NLRC5: variants seen among roughly 807,000 people sequenced by gnomAD.
NLRC5 encodes protein NLRC5.
Under a neutral mutation model 206.9 loss-of-function variants are expected in NLRC5, and 114 were observed. The observed-to-expected ratio is 0.55, with a 90% CI of 0.47 to 0.64. NLRC5 has a LOEUF of 0.64. Among genes scored for constraint, NLRC5 ranks in the 30% least tolerant of loss-of-function variants. The probability of loss-of-function intolerance (pLI) is 0.00; values close to 1 mark genes in which losing one functional copy is unlikely to be tolerated. For missense variants in NLRC5, 2,008 were observed against 2,305.5 expected (o/e 0.87, Z 2.64); for synonymous variants, 952 against 962.8 (o/e 0.99, Z 0.21).
intron 37 of NLRC5, among the ~76,000 whole-genome samples, 195 bp from the exon 38 acceptor site, chr16:57,070,340 A>T (rs1404813730): frequency 4.6e-5 from 7 of 152,124 alleles, no homozygotes; most frequent in African/African-American, 1.4e-4. Flanking sequence ...AGCTGTGACT[A>T]TCATGCCTAC....
chr16:57,037,785 T>C (rs377360890), intron 15 of NLRC5, among the ~76,000 whole-genome samples: 1 of 152,288 alleles, frequency 6.6e-6, no homozygotes, highest in East Asian at 1.9e-4. Context: ...CCTATTTCTG[T>C]AAGTCTCGCC....
chr16:57,069,703 C>A, intron 36 of NLRC5, 133 bp from the exon 37 acceptor site: 1 of 706,156 alleles, frequency 1.4e-6, no homozygotes, highest in Non-Finnish European at 2.5e-6. Flanking sequence ...AAGAGATTTA[C>A]GAAGGGAAGG....
Position 57,069,893 on chromosome 16 carries a change from C to A in NLRC5, c.4557C>A (p.Gly1519=), listed in dbSNP as rs867873690. 1.3e-6 allele frequency: 2 copies of A among 1,586,492 alleles called. No individual in the cohort carries two copies. The highest frequency in any genetic ancestry group is 1.1e-5 in the South Asian group (1 of 87,216). The change falls in exon 37 of 49, where the codon GGC becomes GGA. Residue 1519 remains glycine (G), a synonymous_variant. Transcript: ENST00000688547. ...EGLAHLASGL[G]HCHHLEELDL... The stretch of plus-strand genomic sequence containing the variant: ...TCGCCCACCTGGCATCTGGTCTGGG[C>A]CACTGCCACCACTTGGAGGAGCTGG...
At chr16:57,030,126 A>C (rs1254230437) in intron 10 of NLRC5, 42 bp downstream of exon 10, 8 of 1,525,452 alleles carry the variant, frequency 5.2e-6, no homozygotes, top group Admixed American at 1.7e-5. Flanking sequence ...GGGCCTTGAG[A>C]AAAGAGGAGG....
rs1400025529 is a variant in NLRC5, at chr16:57,067,454, A to G, written c.4390A>G (p.Arg1464Gly). The change falls in exon 35 of 49, where the codon AGG becomes GGG. Residue 1464 changes from arginine (R) to glycine (G), a missense_variant. Arg to Gly is a moderately radical substitution (Grantham distance 125). Coordinates refer to ENST00000688547, the MANE Select transcript of NLRC5 (RefSeq NM_001384950.1). ...LVGQLMETCA[R>G]LQQLSLSQVN... Reference sequence around the variant, plus strand: ...CGGGCAGCTGATGGAGACATGTGCCAGGCTGCAGCAGCTCAGGTCAGCGCC... The same window carrying G: ...CGGGCAGCTGATGGAGACATGTGCCGGGCTGCAGCAGCTCAGGTCAGCGCC... 2 of 1,614,198 alleles carry G rather than the reference A, an allele frequency of 1.2e-6. No individual in the cohort carries two copies. The highest frequency in any genetic ancestry group is 1.7e-6 in the Non-Finnish European group (2 of 1,180,010).
chr16:57,013,842 A>G (rs1163694294), intron 1 of NLRC5: 1 of 679,182 alleles, frequency 1.5e-6, no homozygotes, highest in African/African-American at 1.8e-5. Flanking sequence ...ATTTCATCCG[A>G]TACTTTCTTT....
intron 34 of NLRC5, 152 bp downstream of exon 34, chr16:57,066,766 G>A (rs768680431): frequency 7.4e-6 from 5 of 673,570 alleles, no homozygotes; most frequent in South Asian, 5.1e-5. Context: ...CACTTCTGAG[G>A]CGTTTCAGCC....
chr16:57,080,378 T>A (rs2068973965), intron 46 of NLRC5, among the ~76,000 whole-genome samples: 1 of 152,074 alleles, frequency 6.6e-6, no homozygotes, highest in African/African-American at 2.4e-5. Flanking sequence ...AACTAGAAGT[T>A]AATACCATTG....
chr16:57,033,558 C>A lies in NLRC5; in HGVS notation c.2478-46C>A, dbSNP rs551564889. 3.1e-6 allele frequency: 5 copies of A among 1,589,604 alleles called. No homozygotes were observed. In the East Asian group the frequency reaches 8.9e-5, roughly 28 times the overall value. On this transcript the variant is annotated intron_variant, in intron 11 of 48. Coordinates refer to ENST00000688547, the MANE Select transcript of NLRC5 (RefSeq NM_001384950.1). ...AAGGAAAGAGGCTTGATCCACCAGG[C>A]CCTAGATGCCTGAGCCCAGGCCAAT... is the stretch of plus-strand genomic sequence containing the variant.
In NLRC5 at chr16:57,026,664, G is replaced by A. The variant is rs368370938; in HGVS notation, c.1721G>A (p.Arg574His). Residue 574 changes from arginine (R) to histidine (H), a missense_variant, in exon 6 of 49, where the codon CGC becomes CAC. Physicochemically the swap from Arg to His is conservative, Grantham distance 29. Coordinates refer to ENST00000688547, the MANE Select transcript of NLRC5 (RefSeq NM_001384950.1). ...GCGGGCCTGGCATCCTGCACCTGCC[G>A]CCCCTTCCTTAGCCACCTGGCGCAG... ...FLAGLASCTC[R>H]PFLSHLAQGN... 9.3e-6 allele frequency: 15 copies of A among 1,614,060 alleles called. No homozygotes were observed. Among genetic ancestry groups the A allele is most frequent in the Admixed American group, 3.3e-5 (2 of 60,020 alleles).
chr16:57,081,622 C>T lies in NLRC5; in HGVS notation c.5489+12C>T. 2.5e-6 allele frequency: 4 copies of T among 1,612,190 alleles called. No homozygotes were observed. Among genetic ancestry groups the T allele is most frequent in the Non-Finnish European group, 3.4e-6 (4 of 1,178,378 alleles). On this transcript the variant is annotated intron_variant, in intron 48 of 48. Coordinates refer to ENST00000688547, the MANE Select transcript of NLRC5 (RefSeq NM_001384950.1). ...ATCCAAGTCATCCGGTAACAGAGGC[C>T]TGCAGGGGCAGGGATGGTGGGTGGG...
In NLRC5 at chr16:57,022,263, C is replaced by A; in HGVS notation, c.303C>A (p.Thr101=). 1 of 1,611,900 alleles carries A rather than the reference C, an allele frequency of 6.2e-7. No individual in the cohort carries two copies. The highest frequency in any genetic ancestry group is 1.1e-5 in the South Asian group (1 of 90,936). The part of the protein sequence containing the change: ...LSTFGYDDGF[T]SQLGAEGKSQ... ...CTCTCCCCTCTCTTGCAGGGTTCACCAGCCAGCTGGGAGCTGAGGGGAAAA... is the reference window on the plus strand; with the variant it reads ...CTCTCCCCTCTCTTGCAGGGTTCACAAGCCAGCTGGGAGCTGAGGGGAAAA... The change falls in exon 4 of 49, where the codon ACC becomes ACA. Residue 101 remains threonine, a synonymous_variant. Coordinates refer to ENST00000688547, the MANE Select transcript of NLRC5 (RefSeq NM_001384950.1).
At chr16:57,069,951 G>T (rs770787318) in intron 37 of NLRC5, 32 bp downstream of exon 37, 2 of 1,538,022 alleles carry the variant, frequency 1.3e-6, no homozygotes, top group Admixed American at 3.9e-5. Flanking sequence ...TTGGGGACAA[G>T]TGGCCCAGCT....
chr16:57,074,517 G>T (rs1311174454), intron 38 of NLRC5, 83 bp from the exon 39 acceptor site: 13 of 1,212,956 alleles, frequency 1.1e-5, no homozygotes, highest in Non-Finnish European at 1.2e-6. Context: ...CCCTAGGCTT[G>T]CTAAGCACAG....
intron 14 of NLRC5, 39 bp from the exon 15 acceptor site, chr16:57,037,156 A>T: frequency 6.4e-7 from 1 of 1,570,582 alleles, no homozygotes; most frequent in Non-Finnish European, 8.8e-7. Context: ...TGGGTACCTC[A>T]GCCACATGCC....
chr16:57,021,824 T>G (rs1472452845), intron 3 of NLRC5, among the ~76,000 whole-genome samples: 1 of 152,144 alleles, frequency 6.6e-6, no homozygotes, highest in African/African-American at 2.4e-5. Context: ...GGCAACAGCG[T>G]TTTTGGAGAG....
chr16:57,012,860 C>T (rs1324859817), intron 1 of NLRC5, among the ~76,000 whole-genome samples: 1 of 152,176 alleles, frequency 6.6e-6, no homozygotes, highest in Non-Finnish European at 1.5e-5. Context: ...TTCTTTACAT[C>T]CTCATCAACA....
intron 1 of NLRC5, chr16:57,014,148 G>T: frequency 5.4e-6 from 1 of 185,078 alleles, no homozygotes; most frequent in Non-Finnish European, 1.1e-5. Context: ...CATCATGATG[G>T]AAGGCAAAGG....
At chr16:57,081,311 C>A in intron 47 of NLRC5, 130 bp downstream of exon 47, 1 of 1,000,726 alleles carries the variant, frequency 1.0e-6, no homozygotes, top group Non-Finnish European at 1.5e-6. Flanking sequence ...CTGGCCTGTT[C>A]CAAGCCCCTG....
Sources: gnomAD v4.1 joint callset for allele counts (sites outside exome capture counted in the v4.1 genomes callset) on GRCh38, gnomAD v4.1.1 for gene constraint, MANE v1.5 for transcripts, NCBI Gene and HGNC (gene_info 2026-07-23, HGNC 2026-07-21) for gene names.